The following KCNMB4 variants were observed in gnomAD, a reference collection of about 807,000 sequenced individuals.
KCNMB4 encodes the protein calcium-activated potassium channel subunit beta-4.
KCNMB4 carries 3 observed loss-of-function variants against 20.7 expected under a neutral mutation model. That is an observed-to-expected ratio of 0.14 (90% CI 0.07 to 0.37). The LOEUF (loss-of-function observed/expected upper bound fraction) is 0.37, where lower values mean the gene tolerates loss of function less well. Among genes scored for constraint, KCNMB4 ranks in the 10% least tolerant of loss-of-function variants. The probability of loss-of-function intolerance (pLI) is 1.00; values close to 1 mark genes in which losing one functional copy is unlikely to be tolerated. For synonymous variants in KCNMB4, 110 were observed against 113.4 expected (o/e 0.97, Z 0.19); for missense variants, 168 against 265.9 (o/e 0.63, Z 2.56).
At chr12:70,390,146 C>G (rs1454088863) in intron 1 of KCNMB4, among the ~76,000 whole-genome samples, 1 of 152,134 alleles carries the variant, frequency 6.6e-6, no homozygotes, top group Non-Finnish European at 1.5e-5. Flanking sequence ...CTTTAAGAAC[C>G]TCCTGGCACA....
intron 1 of KCNMB4, among the ~76,000 whole-genome samples, chr12:70,394,665 T>TTATC (rs1868335018): frequency 6.6e-6 from 1 of 152,030 alleles, no homozygotes; most frequent in Non-Finnish European, 1.5e-5. Flanking sequence ...ATTATGGAGT[T>TTATC]TATTTATTTA....
At chr12:70,392,484 G>T (rs710654) in intron 1 of KCNMB4, among the ~76,000 whole-genome samples, 1 of 151,946 alleles carries the variant, frequency 6.6e-6, no homozygotes, top group Non-Finnish European at 1.5e-5. Context: ...GGTATACTGG[G>T]TGTATACCCA....
intron 2 of KCNMB4, among the ~76,000 whole-genome samples, chr12:70,418,687 C>T (rs1007276489): frequency 5.3e-5 from 8 of 152,070 alleles, no homozygotes; most frequent in African/African-American, 1.7e-4. Context: ...TCTTGACCTC[C>T]TTTTAAATGC....
intron 2 of KCNMB4, among the ~76,000 whole-genome samples, chr12:70,410,245 C>G (rs1331089263): frequency 6.6e-6 from 1 of 152,194 alleles, no homozygotes; most frequent in Non-Finnish European, 1.5e-5. Flanking sequence ...ATGTGCCTAA[C>G]CCACAATAAT....
intron 1 of KCNMB4, among the ~76,000 whole-genome samples, chr12:70,383,482 G>A (rs1883831603): frequency 6.6e-6 from 1 of 152,154 alleles, no homozygotes; most frequent in South Asian, 2.1e-4. Context: ...AAAAATACAT[G>A]TCTTAGGGTC....
At chr12:70,430,114 A>G (rs1484537182) in intron 2 of KCNMB4, among the ~76,000 whole-genome samples, 1 of 151,850 alleles carries the variant, frequency 6.6e-6, no homozygotes, top group African/African-American at 2.4e-5. Flanking sequence ...TTTGTTGGAG[A>G]ATGCTCACCC....
chr12:70,410,157 G>A (rs1428663573), intron 2 of KCNMB4, among the ~76,000 whole-genome samples: 1 of 152,110 alleles, frequency 6.6e-6, no homozygotes, highest in African/African-American at 2.4e-5. Flanking sequence ...CTAGTGGCGT[G>A]GTCTTAGATA....
intron 2 of KCNMB4, among the ~76,000 whole-genome samples, chr12:70,422,416 C>T (rs142601687): frequency 6.6e-6 from 1 of 152,308 alleles, no homozygotes; most frequent in Non-Finnish European, 1.5e-5. Context: ...AAGTCCTCCT[C>T]TCTGGTGTGG....
At chr12:70,419,559 T>TA (rs539183254) in intron 2 of KCNMB4, among the ~76,000 whole-genome samples, 22 of 151,446 alleles carry the variant, frequency 1.5e-4, no homozygotes, top group South Asian at 2.1e-4. Flanking sequence ...AATTCAGAAT[T>TA]AAAAAAAAAT....
chr12:70,375,757 A>G (rs1883674105), intron 1 of KCNMB4, among the ~76,000 whole-genome samples: 1 of 152,192 alleles, frequency 6.6e-6, no homozygotes, highest in East Asian at 1.9e-4. Context: ...TAGGGGTCCT[A>G]TACGTATTAG....
chr12:70,405,761 A>T (rs2136132457), intron 2 of KCNMB4, among the ~76,000 whole-genome samples: 1 of 152,290 alleles, frequency 6.6e-6, no homozygotes, highest in African/African-American at 2.4e-5. Context: ...CCATCAGCAG[A>T]TGAATGGATA....
chr12:70,377,086 A>G (rs1463079389), intron 1 of KCNMB4, among the ~76,000 whole-genome samples: 1 of 152,188 alleles, frequency 6.6e-6, no homozygotes. Flanking sequence ...AGTATTCCTC[A>G]GGTTGATCTA....
At chr12:70,422,720 C>T in intron 2 of KCNMB4, 1 of 1,289,020 alleles carries the variant, frequency 7.8e-7, no homozygotes, top group Non-Finnish European at 1.0e-6. Context: ...TTGATGATTA[C>T]CCCTCTTTAT....
At chr12:70,388,481 A>G (rs897645892) in intron 1 of KCNMB4, among the ~76,000 whole-genome samples, 2 of 151,958 alleles carry the variant, frequency 1.3e-5, no homozygotes, top group Admixed American at 1.3e-4. Flanking sequence ...TCCCACCAAG[A>G]GTGTACAAGG....
In KCNMB4 at chr12:70,366,478, G is replaced by A. The variant is rs1883491833; in HGVS notation, c.-257G>A. 6.6e-6 allele frequency: 1 copy of A among 152,314 alleles called. No homozygotes were observed. The highest frequency in any genetic ancestry group is 2.4e-5 in the African/African-American group (1 of 41,316). 9.4% of individuals were successfully genotyped at this position (152,314 alleles called of 1,614,324 possible). ...GCGCTCCCCGCGCCCGAGGGTGCAG[G>A]AGGCTCTGAAGCGGCTGCTGCACCG... On this transcript the variant is annotated 5_prime_UTR_variant, in exon 1 of 3. Transcript: ENST00000258111.
At chr12:70,403,411 C>A (rs1271987978) in intron 2 of KCNMB4, among the ~76,000 whole-genome samples, 1 of 152,152 alleles carries the variant, frequency 6.6e-6, no homozygotes, top group Admixed American at 6.5e-5. Flanking sequence ...TGGCTCACTG[C>A]AACCTCTGCC....
chr12:70,423,759 A>G (rs531296068), intron 2 of KCNMB4, among the ~76,000 whole-genome samples: 1 of 152,180 alleles, frequency 6.6e-6, no homozygotes, highest in Admixed American at 6.5e-5. Flanking sequence ...ACAGGCATGA[A>G]CCACTGTGCA....
At chr12:70,402,381 G>A (rs925495285) in intron 2 of KCNMB4, among the ~76,000 whole-genome samples, 34 of 151,908 alleles carry the variant, frequency 2.2e-4, no homozygotes, top group African/African-American at 5.6e-4. Context: ...GGTGGTTCAC[G>A]CCTGTAATCC....
chr12:70,397,297 A>G (rs929259024), intron 1 of KCNMB4, among the ~76,000 whole-genome samples: 2 of 152,166 alleles, frequency 1.3e-5, no homozygotes, highest in African/African-American at 2.4e-5. Flanking sequence ...GCAGTTAGCT[A>G]TGATCTCACC....
Sources: allele counts gnomAD v4.1 joint callset (sites outside exome capture counted in the v4.1 genomes callset), GRCh38; gene constraint gnomAD v4.1.1; transcripts MANE v1.5; gene names NCBI Gene and HGNC (gene_info 2026-07-23, HGNC 2026-07-21).